The following ASIC2 variants were observed in gnomAD, a reference collection of about 807,000 sequenced individuals.
The protein encoded by ASIC2 is acid-sensing ion channel 2.
A neutral mutation model predicts 57.3 loss-of-function variants in ASIC2; 25 were observed. The ratio of observed to expected loss-of-function variants is 0.44; its 90% CI spans 0.32 to 0.61. ASIC2 has a LOEUF of 0.61. Ranked by LOEUF, ASIC2 falls within the 20% of genes least tolerant of loss-of-function variation. ASIC2 has a pLI of 0.06. For synonymous variants in ASIC2, 319 were observed against 307.5 expected (o/e 1.04, Z -0.39); for missense variants, 641 against 738.1 (o/e 0.87, Z 1.52).
chr17:33,867,679 A>G (rs1404235292), intron 1 of ASIC2, among the ~76,000 whole-genome samples: 2 of 152,200 alleles, frequency 1.3e-5, no homozygotes, highest in Admixed American at 6.5e-5. Flanking sequence ...CCTTGGGTAA[A>G]TGCAGCAGTG....
At position 33,741,164 on chromosome 17, in the gene ASIC2, C is replaced by T. The variant is rs1597857439; in HGVS notation, c.555+414814G>A. Among the ~76,000 whole-genome samples, 4 of 152,238 alleles carry T rather than the reference C, an allele frequency of 2.6e-5. No individual in the cohort carries two copies. In the South Asian group the frequency reaches 8.3e-4, roughly 32 times the overall value. ...AGTGACTGCCCAGGGTCTTCAGACC[C>T]TTAAGTTGCTTTTATTTTTTTCACT... On this transcript the variant is annotated intron_variant, in intron 1 of 9. Transcript: ENST00000359872.
At chr17:33,056,765 A>G (rs192359141) in intron 3 of ASIC2, among the ~76,000 whole-genome samples, 214 of 152,336 alleles carry the variant, frequency 1.4e-3, no homozygotes, top group Middle Eastern at 6.8e-3. Flanking sequence ...GGTGTCTTCA[A>G]GCCAGTGAGC....
At chr17:33,438,490 T>C (rs1162127117) in intron 1 of ASIC2, among the ~76,000 whole-genome samples, 2 of 152,136 alleles carry the variant, frequency 1.3e-5, no homozygotes, top group African/African-American at 4.8e-5. Context: ...AATCTTCACA[T>C]AGTAAGACAA....
At chr17:33,770,851 G>A (rs1057195361) in intron 1 of ASIC2, among the ~76,000 whole-genome samples, 3 of 152,194 alleles carry the variant, frequency 2.0e-5, no homozygotes, top group Admixed American at 1.3e-4. Flanking sequence ...CAGACTCATT[G>A]TGAGGTCTCT....
At chr17:33,136,565 G>A (rs2092367915) in intron 1 of ASIC2, among the ~76,000 whole-genome samples, 1 of 152,224 alleles carries the variant, frequency 6.6e-6, no homozygotes, top group South Asian at 2.1e-4. Context: ...TTGCAAACCA[G>A]TGATAGCTAA....
chr17:33,183,281 AAC>A (rs1241921742), intron 1 of ASIC2, among the ~76,000 whole-genome samples: 1 of 152,228 alleles, frequency 6.6e-6, no homozygotes, highest in Non-Finnish European at 1.5e-5. Flanking sequence ...ACTTTGATGA[AAC>A]AGTTTTATTA....
At chr17:33,201,759 G>C (rs545690742) in intron 1 of ASIC2, among the ~76,000 whole-genome samples, 35 of 152,274 alleles carry the variant, frequency 2.3e-4, no homozygotes, top group African/African-American at 8.2e-4. Flanking sequence ...GCTGGGCATG[G>C]TGGCTCACAC....
chr17:33,731,629 C>T (rs1387972939), intron 1 of ASIC2, among the ~76,000 whole-genome samples: 1 of 152,102 alleles, frequency 6.6e-6, no homozygotes, highest in Non-Finnish European at 1.5e-5. Context: ...AACACTAAAC[C>T]CCCTTGGGAC....
chr17:33,172,662 ACTT>A (rs1319290851), intron 1 of ASIC2, among the ~76,000 whole-genome samples: 1 of 152,208 alleles, frequency 6.6e-6, no homozygotes, highest in Non-Finnish European at 1.5e-5. Context: ...GTTCACGAGA[ACTT>A]CTCAGCCATG....
intron 1 of ASIC2, among the ~76,000 whole-genome samples, chr17:34,052,735 G>A (rs796268743): frequency 1.8e-4 from 28 of 151,876 alleles, no homozygotes; most frequent in African/African-American, 6.5e-4. Context: ...TGCTGCCTTA[G>A]TCTCCCAAGT....
chr17:34,004,275 A>T (rs1218636300), intron 1 of ASIC2: 1 of 152,270 alleles, frequency 6.6e-6, no homozygotes, highest in Non-Finnish European at 1.5e-5. Context: ...CCTCCTTAGG[A>T]AGATCATAAA....
chr17:33,262,575 C>G (rs1909324225), intron 1 of ASIC2, among the ~76,000 whole-genome samples: 1 of 152,082 alleles, frequency 6.6e-6, no homozygotes, highest in Non-Finnish European at 1.5e-5. Flanking sequence ...TATTCTGGGC[C>G]CCAAGCACTT....
At chr17:34,154,377 C>T (rs1276767605) in intron 1 of ASIC2, among the ~76,000 whole-genome samples, 1 of 152,146 alleles carries the variant, frequency 6.6e-6, no homozygotes, top group Non-Finnish European at 1.5e-5. Flanking sequence ...ATTACTGGTC[C>T]CTTCTCCCAG....
intron 1 of ASIC2, among the ~76,000 whole-genome samples, chr17:33,415,639 A>G (rs938890634): frequency 6.6e-6 from 1 of 152,148 alleles, no homozygotes; most frequent in Non-Finnish European, 1.5e-5. Flanking sequence ...CCGGGGCCTC[A>G]TATTACACAC....
intron 1 of ASIC2, among the ~76,000 whole-genome samples, chr17:33,863,324 T>G (rs1025358831): frequency 6.6e-6 from 1 of 152,252 alleles, no homozygotes; most frequent in Non-Finnish European, 1.5e-5. Context: ...TCTGGTATGA[T>G]TCCTGCTTTT....
At chr17:33,197,655 T>A (rs1467159279) in intron 1 of ASIC2, among the ~76,000 whole-genome samples, 1 of 152,196 alleles carries the variant, frequency 6.6e-6, no homozygotes, top group Non-Finnish European at 1.5e-5. Context: ...GGGTTGGATG[T>A]GTGGGCTGGG....
intron 1 of ASIC2, among the ~76,000 whole-genome samples, chr17:33,188,077 A>T (rs1189818975): frequency 1.3e-5 from 2 of 152,142 alleles, no homozygotes; most frequent in Non-Finnish European, 2.9e-5. Context: ...TTATTTGCTC[A>T]AGAAGATAGA....
chr17:34,039,602 C>G, intron 1 of ASIC2: 1 of 1,613,890 alleles, frequency 6.2e-7, no homozygotes. Context: ...CTTCCCCCAG[C>G]AAACTCAAAG....
chr17:33,238,758 G>A (rs9972931), intron 1 of ASIC2, among the ~76,000 whole-genome samples: 25,531 of 152,094 alleles, frequency 0.17, 2,732 homozygotes, highest in Non-Finnish European at 0.23. Context: ...TTGCTCGGCC[G>A]GGAGCGGTAG....
Sources: gnomAD v4.1 joint callset for allele counts (sites outside exome capture counted in the v4.1 genomes callset) on GRCh38, gnomAD v4.1.1 for gene constraint, MANE v1.5 for transcripts, NCBI Gene and HGNC (gene_info 2026-07-23, HGNC 2026-07-21) for gene names.